Variants in ST6GALNAC2 observed in about 807,000 individuals in gnomAD.
The protein encoded by ST6GALNAC2 is ST6 N-acetylgalactosaminide alpha-2,6-sialyltransferase 2.
In ST6GALNAC2, 42 loss-of-function variants were observed where a neutral mutation model predicts 38.7. The observed-to-expected ratio is 1.09, with a 90% CI of 0.85 to 1.40. The LOEUF is 1.40. Ranked by LOEUF, ST6GALNAC2 falls within the 40% of genes most tolerant of loss-of-function variation. The pLI is 0.00. For missense variants in ST6GALNAC2, 506 were observed against 481.7 expected (o/e 1.05, Z -0.47); for synonymous variants, 233 against 209.0 (o/e 1.11, Z -0.99).
intron 1 of ST6GALNAC2, among the ~76,000 whole-genome samples, chr17:76,584,908 G>GC (rs1489040202): frequency 6.6e-6 from 1 of 152,216 alleles, no homozygotes; most frequent in African/African-American, 2.4e-5. Context: ...GGCTTGGTCC[G>GC]CCTTTCTTAA....
chr17:76,576,856 G>A (rs1260548503), intron 2 of ST6GALNAC2, among the ~76,000 whole-genome samples: 1 of 151,538 alleles, frequency 6.6e-6, no homozygotes, highest in Non-Finnish European at 1.5e-5. Flanking sequence ...TGTAATTCCA[G>A]CTACTTGGGG....
intron 1 of ST6GALNAC2, among the ~76,000 whole-genome samples, chr17:76,584,207 T>TTTC (rs397722749): frequency 8.4e-4 from 126 of 150,506 alleles, no homozygotes; most frequent in African/African-American, 3.1e-3. Flanking sequence ...TTTTTTTTTT[T>TTTC]CTGGAGACAG....
At position 76,584,954 on chromosome 17, in the gene ST6GALNAC2, C is replaced by G. The variant is rs144071558; in HGVS notation, c.125+730G>C. Reference sequence around the variant, plus strand: ...ATCGTTTTGCGGCTTCTTCAGTCACCGGAACCACCACCTGCTAGAGGCCGG... The same window carrying G: ...ATCGTTTTGCGGCTTCTTCAGTCACGGGAACCACCACCTGCTAGAGGCCGG... On this transcript the variant is annotated intron_variant, in intron 1 of 8. Coordinates refer to ENST00000225276, the MANE Select transcript of ST6GALNAC2 (RefSeq NM_006456.3). 2.5e-3 allele frequency among the ~76,000 whole-genome samples: 387 copies of G among 152,338 alleles called. 1 individual carries two copies. The highest frequency in any genetic ancestry group is 8.9e-3 in the African/African-American group (372 of 41,576).
chr17:76,570,444 T>C, intron 6 of ST6GALNAC2, 121 bp downstream of exon 6: 1 of 643,676 alleles, frequency 1.6e-6, no homozygotes, highest in Non-Finnish European at 2.8e-6. Context: ...TTAGGGCTGT[T>C]CTTACTGCCC....
intron 6 of ST6GALNAC2, chr17:76,569,718 C>G: frequency 5.8e-6 from 2 of 343,488 alleles, no homozygotes; most frequent in East Asian, 8.3e-5. Context: ...CCCAGCGTGT[C>G]ACAAAGCCCA....
At chr17:76,584,193 C>CTTTTT (rs55780682) in intron 1 of ST6GALNAC2, among the ~76,000 whole-genome samples, 36 of 137,198 alleles carry the variant, frequency 2.6e-4, no homozygotes, top group African/African-American at 7.2e-4. Flanking sequence ...TCACCTCGAA[C>CTTTTT]TTTTTTTTTT....
At chr17:76,581,410 G>C (rs974195197) in intron 1 of ST6GALNAC2, among the ~76,000 whole-genome samples, 3 of 152,068 alleles carry the variant, frequency 2.0e-5, no homozygotes, top group Non-Finnish European at 4.4e-5. Context: ...ACTGTTCTGG[G>C]GTCGGGGGAG....
In ST6GALNAC2 at chr17:76,573,279, A is replaced by C. The variant is rs1173969091; in HGVS notation, c.446T>G (p.Ile149Ser). 2 of 1,610,558 alleles carry C rather than the reference A, an allele frequency of 1.2e-6. No homozygotes were observed. The highest frequency in any genetic ancestry group is 4.5e-5 in the East Asian group (2 of 44,842). ...TCCGTTGCCCACCACGGCACACCGG[A>C]TACACTTTGGAGGGGTGTCCCTGGG... is the stretch of plus-strand genomic sequence containing the variant. ...APPRDTPPKCIRCAVVGNGGI... is the reference protein window; with the variant it reads ...APPRDTPPKCSRCAVVGNGGI... The change falls in exon 4 of 9, where the codon ATC becomes AGC. Residue 149 changes from isoleucine to serine, a missense_variant. Coordinates refer to ENST00000225276, the MANE Select transcript of ST6GALNAC2 (RefSeq NM_006456.3). The surrounding 1 kb of genome is among the most constrained non-coding windows in gnomAD (Gnocchi z 5.1).
At position 76,573,335 on chromosome 17, in the gene ST6GALNAC2, G is replaced by A. The variant is rs369249019; in HGVS notation, c.390C>T (p.Asn130=). 1.3e-5 allele frequency: 20 copies of A among 1,571,368 alleles called. No homozygotes were observed. Among genetic ancestry groups the A allele is most frequent in the African/African-American group, 5.4e-5 (4 of 74,202 alleles). The change falls in exon 4 of 9, where the codon AAC becomes AAT. Residue 130 remains asparagine, a synonymous_variant. Coordinates refer to ENST00000225276, the MANE Select transcript of ST6GALNAC2 (RefSeq NM_006456.3). This position sits in a 1 kb window ranked among gnomAD's most constrained non-coding sequence, Gnocchi z 5.1. The stretch of plus-strand genomic sequence containing the variant: ...CAAACAGCTTGGCACTCTCTGAGCC[G>A]TTCAGAAGGCTCAGGGTGGAGGCGA... ...QVIASTLSLL[N]GSESAKLFAP...
Position 76,565,941 on chromosome 17 carries a change from G to T in ST6GALNAC2, c.*163C>A. ...TTCTTGGATGAGCCAAGGACAAGCT[G>T]GGGTGTCCTATATTGAACAGACCTC... On this transcript the variant is annotated 3_prime_UTR_variant, in exon 9 of 9. Coordinates refer to ENST00000225276, the MANE Select transcript of ST6GALNAC2 (RefSeq NM_006456.3). 1 of 658,392 alleles carries T rather than the reference G, an allele frequency of 1.5e-6. No homozygotes were observed. The highest frequency in any genetic ancestry group is 2.5e-6 in the Non-Finnish European group (1 of 396,344). The allele number at this position is 658,392 out of a possible 1,614,324, so 40.8% of individuals were successfully genotyped here.
At position 76,574,542 on chromosome 17, in the gene ST6GALNAC2, G is replaced by A. The variant is rs370780652; in HGVS notation, c.187-3C>T. ...AGCAGGTGTCGGCAGGCCTGGCCCT[G>A]TGGGTGAGAAGGTGAGGGCTGAGCC... On this transcript the variant is annotated splice_polypyrimidine_tract_variant and splice_region_variant and intron_variant, in intron 2 of 8. Transcript: ENST00000225276. The A allele has an allele frequency of 1.2e-6, 2 of 1,609,058 alleles. No individual in the cohort carries two copies. The highest frequency in any genetic ancestry group is 1.7e-6 in the Non-Finnish European group (2 of 1,177,580).
chr17:76,581,596 C>T (rs2075476253), intron 1 of ST6GALNAC2, among the ~76,000 whole-genome samples: 1 of 152,140 alleles, frequency 6.6e-6, no homozygotes, highest in Non-Finnish European at 1.5e-5. Context: ...TTTTGCTGCC[C>T]TGAACTACCC....
chr17:76,570,092 C>T, intron 6 of ST6GALNAC2: 1 of 168,852 alleles, frequency 5.9e-6, no homozygotes. Context: ...CGAGTCTGCT[C>T]TCCCGTTTCA....
Position 76,573,305 on chromosome 17 carries a change from C to A in ST6GALNAC2, c.420G>T (p.Pro140=). The stretch of plus-strand genomic sequence containing the variant: ...TACACTTTGGAGGGGTGTCCCTGGG[C>A]GGGGCAAACAGCTTGGCACTCTCTG... ...NGSESAKLFA[P]PRDTPPKCIR... The change falls in exon 4 of 9, where the codon CCG becomes CCT. Residue 140 remains proline, a synonymous_variant. Coordinates refer to ENST00000225276, the MANE Select transcript of ST6GALNAC2 (RefSeq NM_006456.3). The surrounding 1 kb of genome is among the most constrained non-coding windows in gnomAD (Gnocchi z 5.1). 2 of 1,593,674 alleles carry A rather than the reference C, an allele frequency of 1.3e-6. No homozygotes were observed. Among genetic ancestry groups the A allele is most frequent in the Non-Finnish European group, 1.7e-6 (2 of 1,169,848 alleles).
At chr17:76,585,144 C>G (rs113877016) in intron 1 of ST6GALNAC2, among the ~76,000 whole-genome samples, 11 of 152,218 alleles carry the variant, frequency 7.2e-5, no homozygotes, top group African/African-American at 2.7e-4. Flanking sequence ...TGGGCTTATC[C>G]AGACACGGCG....
chr17:76,566,127 T>C lies in ST6GALNAC2; in HGVS notation c.1102A>G (p.Ile368Val), dbSNP rs1191043380. Residue 368 changes from isoleucine (I) to valine (V), a missense_variant, in exon 9 of 9, where the codon ATC becomes GTC. Physicochemically the swap from Ile to Val is conservative, Grantham distance 29. Transcript: ENST00000225276. Reference sequence around the variant, plus strand: ...GGTCAGCGCTGGTACAGCTGAAGGATGCCGGCCTTGTGCAGGTCCCTCCAC... The same window carrying C: ...GGTCAGCGCTGGTACAGCTGAAGGACGCCGGCCTTGTGCAGGTCCCTCCAC... ...ALWRDLHKAG[I>V]LQLYQR is the part of the protein sequence containing the mutation. The C allele has an allele frequency of 1.2e-6, 2 of 1,614,074 alleles. No homozygotes were observed. The highest frequency in any genetic ancestry group is 1.7e-6 in the Non-Finnish European group (2 of 1,179,972).
At chr17:76,580,803 G>A (rs555573372) in intron 1 of ST6GALNAC2, among the ~76,000 whole-genome samples, 1 of 152,204 alleles carries the variant, frequency 6.6e-6, no homozygotes, top group South Asian at 2.1e-4. Context: ...CCTCCTAAAG[G>A]AGGAAGAGAA....
In ST6GALNAC2 at chr17:76,565,951, A is replaced by G. The variant is rs558930265; in HGVS notation, c.*153T>C. The G allele has an allele frequency of 8.4e-5, 62 of 735,324 alleles. No homozygotes were observed. Among genetic ancestry groups the G allele is most frequent in the Non-Finnish European group, 1.2e-4 (53 of 459,004 alleles). The allele number at this position is 735,324 out of a possible 1,614,324, so 45.5% of individuals were successfully genotyped here. On this transcript the variant is annotated 3_prime_UTR_variant, in exon 9 of 9. Transcript: ENST00000225276. The stretch of plus-strand genomic sequence containing the variant: ...AGCCAAGGACAAGCTGGGGTGTCCT[A>G]TATTGAACAGACCTCGATGAAAATC...
chr17:76,581,090 T>C (rs1310690319), intron 1 of ST6GALNAC2: 1 of 152,234 alleles, frequency 6.6e-6, no homozygotes, highest in East Asian at 1.9e-4. Context: ...TACCTGCTTC[T>C]AGGTGCTGAG....
Sources: allele counts gnomAD v4.1 joint callset (sites outside exome capture counted in the v4.1 genomes callset), GRCh38; gene constraint gnomAD v4.1.1; non-coding constraint Gnocchi (gnomAD v3.1); transcripts MANE v1.5; gene names NCBI Gene and HGNC (gene_info 2026-07-23, HGNC 2026-07-21).